NADSYN1: variants seen among roughly 807,000 people sequenced by gnomAD.
NADSYN1 encodes the protein NAD synthetase 1.
In NADSYN1, 80 loss-of-function variants were observed where a neutral mutation model predicts 99.3. The observed-to-expected ratio is 0.81, with a 90% confidence interval of 0.67 to 0.97. NADSYN1 has a LOEUF of 0.97. Ranked by LOEUF, NADSYN1 falls within the 50% of genes least tolerant of loss-of-function variation. NADSYN1 has a pLI of 0.00. For missense variants in NADSYN1, 859 were observed against 948.5 expected (o/e 0.91, Z 1.24); for synonymous variants, 385 against 372.1 (o/e 1.03, Z -0.40).
chr11:71,453,236 T>A lies in NADSYN1; in HGVS notation c.-61T>A. ...AGGTCCGGCGTCCCAGCCGCCTACC[T>A]CGCTGGGACCCTGGTCTTGCTGTCC... On this transcript the variant is annotated 5_prime_UTR_variant, in exon 1 of 21. Transcript: ENST00000319023. 6.7e-7 allele frequency: 1 copy of A among 1,489,184 alleles called. No homozygotes were observed. The highest frequency in any genetic ancestry group is 9.3e-7 in the Non-Finnish European group (1 of 1,079,820). 92.2% of individuals were successfully genotyped at this position (1,489,184 alleles called of 1,614,324 possible).
intron 3 of NADSYN1, chr11:71,460,933 A>G (rs1351558649): frequency 6.6e-6 from 1 of 152,232 alleles, no homozygotes; most frequent in African/African-American, 2.4e-5. Flanking sequence ...AGAGTGGTGA[A>G]TAGTTTTTTA....
At chr11:71,497,300 T>C in intron 18 of NADSYN1, 183 bp from the exon 19 acceptor site, 1 of 666,582 alleles carries the variant, frequency 1.5e-6, no homozygotes, top group Non-Finnish European at 2.5e-6. Context: ...TCTTCGTTGC[T>C]GTTTTCCAAA....
chr11:71,481,912 G>T lies in NADSYN1; in HGVS notation c.1048-11G>T. ...AGGCTCTGCTCACGCTGTCTGATTG[G>T]TCCATTCCAGGCAGGGTTTTTGCTG... On this transcript the variant is annotated splice_polypyrimidine_tract_variant and intron_variant, in intron 12 of 20. Coordinates refer to ENST00000319023, the MANE Select transcript of NADSYN1 (RefSeq NM_018161.5). 6 of 1,611,660 alleles carry T rather than the reference G, an allele frequency of 3.7e-6. No homozygotes were observed. Among genetic ancestry groups the T allele is most frequent in the Non-Finnish European group, 4.2e-6 (5 of 1,178,712 alleles).
In NADSYN1 at chr11:71,477,320, C is replaced by T. The variant is rs912561666; in HGVS notation, c.799-1075C>T. 1.2e-5 allele frequency: 15 copies of T among 1,225,444 alleles called. No homozygotes were observed. The African/African-American group carries it at 1.8e-4, about 15-fold the overall frequency. The allele number at this position is 1,225,444 out of a possible 1,614,324, so 75.9% of individuals were successfully genotyped here. ...ATCTCCATTGTTTTATGGCTTCACA[C>T]GGACCGTGGCTTTCTGCATGGAAGC... On this transcript the variant is annotated intron_variant, in intron 9 of 20. Transcript: ENST00000319023.
chr11:71,455,757 T>A (rs1235810032), intron 2 of NADSYN1, among the ~76,000 whole-genome samples: 1 of 152,234 alleles, frequency 6.6e-6, no homozygotes, highest in East Asian at 1.9e-4. Context: ...TGTTTATTAA[T>A]TACCCAGTCC....
intron 16 of NADSYN1, among the ~76,000 whole-genome samples, chr11:71,488,278 T>C (rs1415348082): frequency 6.6e-6 from 1 of 151,824 alleles, no homozygotes; most frequent in Non-Finnish European, 1.5e-5. Context: ...ACATGTGTAT[T>C]GTAGGAAACG....
At chr11:71,473,838 GC>G (rs1242203287) in intron 8 of NADSYN1, 152 bp downstream of exon 8, 21 of 688,338 alleles carry the variant, frequency 3.1e-5, no homozygotes, top group Admixed American at 7.7e-5. Context: ...GTGCCCTGCT[GC>G]CCTCCAGGGC....
At chr11:71,498,245 G>A (rs986058120) in intron 19 of NADSYN1, 107 bp from the exon 20 acceptor site, 44 of 1,295,578 alleles carry the variant, frequency 3.4e-5, no homozygotes, top group East Asian at 9.7e-5. Context: ...GGTCCTGTGC[G>A]GGGAGTAACC....
chr11:71,463,303 C>T, intron 3 of NADSYN1, 129 bp from the exon 4 acceptor site: 2 of 816,018 alleles, frequency 2.5e-6, no homozygotes, highest in Non-Finnish European at 4.0e-6. Context: ...CCTTGCAGTT[C>T]TCCGAAGGGA....
intron 9 of NADSYN1, 104 bp from the exon 10 acceptor site, chr11:71,478,291 C>G (rs943733593): frequency 1.1e-6 from 1 of 941,426 alleles, no homozygotes; most frequent in East Asian, 2.7e-5. Flanking sequence ...GGGTCTCAGC[C>G]CCTGCTTTAG....
chr11:71,499,485 A>C (rs990470526), intron 20 of NADSYN1: 1 of 152,238 alleles, frequency 6.6e-6, no homozygotes, highest in East Asian at 1.9e-4. Flanking sequence ...ACACCCCTCT[A>C]TGAGTATGGT....
intron 1 of NADSYN1, 41 bp from the exon 2 acceptor site, chr11:71,455,069 G>A (rs1194081345): frequency 1.3e-6 from 2 of 1,489,680 alleles, no homozygotes; most frequent in Non-Finnish European, 1.9e-6. Flanking sequence ...GTGTATAGGT[G>A]CTGAAATTGC....
At chr11:71,481,278 G>T in intron 11 of NADSYN1, 78 bp from the exon 12 acceptor site, 1 of 1,471,880 alleles carries the variant, frequency 6.8e-7, no homozygotes. Context: ...CAGCCTCCTG[G>T]GGCCTGCTTG....
intron 18 of NADSYN1, 104 bp from the exon 19 acceptor site, chr11:71,497,379 A>G: frequency 2.7e-6 from 4 of 1,463,674 alleles, no homozygotes; most frequent in Non-Finnish European, 3.7e-6. Flanking sequence ...TCTCTGGGAA[A>G]GTATTGCCTC....
At chr11:71,499,085 T>C (rs1949840551) in intron 20 of NADSYN1, 2 of 153,430 alleles carry the variant, frequency 1.3e-5, no homozygotes, top group Admixed American at 1.3e-4. Context: ...AAGATGTTCA[T>C]GTAGGTTCAT....
In NADSYN1 at chr11:71,478,417, A is replaced by T. The variant is rs745388724; in HGVS notation, c.821A>T (p.Asp274Val). 1.9e-6 allele frequency: 3 copies of T among 1,609,238 alleles called. No homozygotes were observed. Among genetic ancestry groups the T allele is most frequent in the Non-Finnish European group, 2.5e-6 (3 of 1,177,952 alleles). Residue 274 changes from aspartate (D) to valine (V), a missense_variant, in exon 10 of 21, where the codon GAT (aspartate) becomes GTT (valine). Coordinates refer to ENST00000319023, the MANE Select transcript of NADSYN1 (RefSeq NM_018161.5). ...CAGGAAGTCCTGACGGCCACGCTGG[A>T]TCTGGAGGACGTCCGGAGCTACAGG... Reference protein sequence around the residue: ...DDVEVLTATLDLEDVRSYRAE... With the variant: ...DDVEVLTATLVLEDVRSYRAE...
chr11:71,458,828 C>A, intron 3 of NADSYN1: 1 of 325,568 alleles, frequency 3.1e-6, no homozygotes, highest in African/African-American at 2.1e-5. Context: ...GCATTCACCC[C>A]ACCCCGTGCA....
chr11:71,500,374 G>A (rs1949849356), intron 20 of NADSYN1, among the ~76,000 whole-genome samples: 1 of 42,266 alleles, frequency 2.4e-5, no homozygotes, highest in Admixed American at 1.8e-4. Context: ...CTACATCTGG[G>A]ACCGTTGACC....
At chr11:71,498,298 C>T in intron 19 of NADSYN1, 54 bp from the exon 20 acceptor site, 1 of 1,597,942 alleles carries the variant, frequency 6.3e-7, no homozygotes, top group Non-Finnish European at 8.5e-7. Context: ...GAATTCCGGC[C>T]TGGGGTCTCT....
Sources: allele counts gnomAD v4.1 joint callset (sites outside exome capture counted in the v4.1 genomes callset), GRCh38; gene constraint gnomAD v4.1.1; transcripts MANE v1.5; gene names NCBI Gene and HGNC (gene_info 2026-07-23, HGNC 2026-07-21).